SLC14A2: variants seen among roughly 807,000 people sequenced by gnomAD.
SLC14A2 encodes urea transporter 2.
SLC14A2 carries 91 observed loss-of-function variants against 104.6 expected under a neutral mutation model. The observed-to-expected ratio is 0.87, with a 90% CI of 0.73 to 1.04. The LOEUF is 1.04. Ranked by LOEUF, SLC14A2 falls within the 50% of genes least tolerant of loss-of-function variation. SLC14A2 has a pLI of 0.00. For missense variants in SLC14A2, 1,189 were observed against 1,156.0 expected, an observed-to-expected ratio of 1.03 and a Z score of -0.41; for synonymous variants, 476 against 466.4, an observed-to-expected ratio of 1.02 and a Z score of -0.27.
At chr18:45,303,477 C>T (rs1050149851) in intron 1 of SLC14A2, among the ~76,000 whole-genome samples, 6 of 152,174 alleles carry the variant, frequency 3.9e-5, no homozygotes, top group Admixed American at 2.0e-4. Flanking sequence ...CTAAAGTGTC[C>T]AGGGATGGGG....
intron 1 of SLC14A2, among the ~76,000 whole-genome samples, chr18:45,376,470 G>T (rs1206830206): frequency 6.6e-6 from 1 of 152,116 alleles, no homozygotes; most frequent in Non-Finnish European, 1.5e-5. Flanking sequence ...ATCTGCTTGT[G>T]CTCAGATTCT....
intron 1 of SLC14A2, among the ~76,000 whole-genome samples, chr18:45,359,044 C>T (rs1195075357): frequency 1.3e-5 from 2 of 152,222 alleles, no homozygotes; most frequent in African/African-American, 2.4e-5. Context: ...ATTCCTACAC[C>T]TGCCACCTAG....
chr18:45,410,800 C>T (rs7504551), intron 1 of SLC14A2, among the ~76,000 whole-genome samples: 1 of 152,232 alleles, frequency 6.6e-6, no homozygotes, highest in Non-Finnish European at 1.5e-5. Context: ...AAGCTATGCT[C>T]TGCCTTCTTG....
intron 2 of SLC14A2, among the ~76,000 whole-genome samples, chr18:45,501,150 T>G (rs2043191783): frequency 1.3e-5 from 2 of 152,336 alleles, no homozygotes; most frequent in African/African-American, 4.8e-5. Flanking sequence ...AAAAAGGCTA[T>G]AACTTGCCCA....
At chr18:45,168,238 G>A in the SLC14A2 span, among the ~76,000 whole-genome samples, 2 of 152,180 alleles carry the variant, frequency 1.3e-5, no homozygotes, top group Admixed American at 6.5e-5. Flanking sequence ...AAGGTGAGTT[G>A]CTTTAAATCA....
At chr18:45,438,229 C>T (rs2086628125) in intron 1 of SLC14A2, 1 of 152,142 alleles carries the variant, frequency 6.6e-6, no homozygotes, top group Non-Finnish European at 1.5e-5. Flanking sequence ...AATCATTCCC[C>T]TGAGAGCAGG....
intron 2 of SLC14A2, among the ~76,000 whole-genome samples, chr18:45,522,458 G>C (rs545956056): frequency 6.6e-6 from 1 of 152,274 alleles, no homozygotes; most frequent in South Asian, 2.1e-4. Context: ...CCATCCCTCA[G>C]TCCCTGCCTC....
intron 1 of SLC14A2, among the ~76,000 whole-genome samples, chr18:45,344,793 A>G (rs908071484): frequency 6.6e-6 from 1 of 152,202 alleles, no homozygotes; most frequent in Non-Finnish European, 1.5e-5. Context: ...AGCCACATCA[A>G]TTAGGCACCT....
intron 1 of SLC14A2, among the ~76,000 whole-genome samples, chr18:45,277,866 C>T (rs754122685): frequency 1.3e-5 from 2 of 152,198 alleles, no homozygotes; most frequent in Non-Finnish European, 2.9e-5. Flanking sequence ...AAAGGGGTTT[C>T]CTTTTTCCTA....
intron 1 of SLC14A2, among the ~76,000 whole-genome samples, chr18:45,318,965 T>C (rs146604519): frequency 3.3e-5 from 5 of 152,236 alleles, no homozygotes; most frequent in East Asian, 3.9e-4. Flanking sequence ...CTAGAGAATC[T>C]GATTCTGAGT....
intron 2 of SLC14A2, among the ~76,000 whole-genome samples, chr18:45,485,495 T>C (rs2270434): frequency 0.54 from 82,266 of 151,958 alleles, 22,279 homozygotes; most frequent in Middle Eastern, 0.62. Context: ...TTTCAGTTTA[T>C]AGAGGCCATA....
At chr18:45,356,924 G>T (rs2085560127) in intron 1 of SLC14A2, among the ~76,000 whole-genome samples, 1 of 152,210 alleles carries the variant, frequency 6.6e-6, no homozygotes, top group Admixed American at 6.5e-5. Context: ...GGAACCTGGG[G>T]CTGGGCATTT....
chr18:45,245,772 G>T (rs2144061944), intron 1 of SLC14A2, among the ~76,000 whole-genome samples: 1 of 152,264 alleles, frequency 6.6e-6, no homozygotes, highest in East Asian at 1.9e-4. Flanking sequence ...CACTCACTCA[G>T]TCACCAATCA....
intron 1 of SLC14A2, among the ~76,000 whole-genome samples, chr18:45,480,604 C>T (rs1156416750): frequency 6.6e-6 from 1 of 152,192 alleles, no homozygotes; most frequent in Non-Finnish European, 1.5e-5. Context: ...TCCAAACAAG[C>T]ACACATTGAG....
chr18:45,476,242 T>C (rs1219510693), intron 1 of SLC14A2, among the ~76,000 whole-genome samples: 1 of 152,176 alleles, frequency 6.6e-6, no homozygotes, highest in East Asian at 1.9e-4. Context: ...CTTATGAAGA[T>C]TAGTTTGGCT....
chr18:45,330,544 C>A (rs1458010808), intron 1 of SLC14A2, among the ~76,000 whole-genome samples: 2 of 152,174 alleles, frequency 1.3e-5, no homozygotes, highest in Non-Finnish European at 2.9e-5. Flanking sequence ...AGAGGATATA[C>A]TAAAGAAGGC....
At chr18:45,527,274 C>G (rs1318362211) in intron 2 of SLC14A2, among the ~76,000 whole-genome samples, 1 of 152,138 alleles carries the variant, frequency 6.6e-6, no homozygotes, top group Non-Finnish European at 1.5e-5. Context: ...TTAGGTGGCA[C>G]CTCTCAGCTC....
intron 5 of SLC14A2, 89 bp from the exon 6 acceptor site, chr18:45,636,901 G>T: frequency 1.1e-6 from 1 of 948,766 alleles, no homozygotes; most frequent in Non-Finnish European, 1.6e-6. Flanking sequence ...AGGAGAGGAG[G>T]CAGTGGATGA....
At chr18:45,396,907 T>A (rs899259744) in intron 1 of SLC14A2, among the ~76,000 whole-genome samples, 1 of 152,118 alleles carries the variant, frequency 6.6e-6, no homozygotes, top group South Asian at 2.1e-4. Context: ...TTATAAGTGA[T>A]AAATGTGGAA....
Sources: allele counts gnomAD v4.1 joint callset (sites outside exome capture counted in the v4.1 genomes callset), GRCh38; gene constraint gnomAD v4.1.1; transcripts MANE v1.5; gene names NCBI Gene and HGNC (gene_info 2026-07-23, HGNC 2026-07-21).